Variants in CNOT4 observed in about 807,000 individuals in gnomAD.
CNOT4 encodes the protein CCR4-associated factor 4.
Under a neutral mutation model 73.8 loss-of-function variants are expected in CNOT4, and 8 were observed. That is an observed-to-expected ratio of 0.11 (90% CI 0.06 to 0.20). CNOT4 has a LOEUF of 0.20. Among genes scored for constraint, CNOT4 ranks in the 10% least tolerant of loss-of-function variants. CNOT4 has a pLI of 1.00. For synonymous variants in CNOT4, 293 were observed against 321.1 expected (o/e 0.91, Z 0.94); for missense variants, 564 against 883.4 (o/e 0.64, Z 4.58).
At chr7:135,411,700 T>A (rs936662192) in intron 6 of CNOT4, among the ~76,000 whole-genome samples, 2 of 152,026 alleles carry the variant, frequency 1.3e-5, no homozygotes, top group African/African-American at 2.4e-5. Flanking sequence ...TTAATTTTTT[T>A]AAATTATGGT....
intron 7 of CNOT4, among the ~76,000 whole-genome samples, chr7:135,409,046 T>C (rs1797455616): frequency 6.6e-6 from 1 of 152,186 alleles, no homozygotes; most frequent in African/African-American, 2.4e-5. Flanking sequence ...AAATTTTTGC[T>C]CTGAAATCAC....
rs540362169 is a variant in CNOT4, at chr7:135,406,503, A to G, written c.821+4012T>C. On this transcript the variant is annotated intron_variant, in intron 7 of 11. Transcript: ENST00000541284. ...GGTGAAACGCCATCTCTACAAAAAA[A>G]AAGAAAAATTAACTGGGTGTGTTGA... 2.6e-5 allele frequency among the ~76,000 whole-genome samples: 4 copies of G among 152,068 alleles called. No homozygotes were observed. In the South Asian group the frequency reaches 8.3e-4, roughly 32 times the overall value.
chr7:135,404,328 T>G (rs1797163290), intron 7 of CNOT4, among the ~76,000 whole-genome samples: 1 of 152,234 alleles, frequency 6.6e-6, no homozygotes, highest in Non-Finnish European at 1.5e-5. Flanking sequence ...GACCATAGTT[T>G]GAGAATCACT....
rs116567574 is a variant in CNOT4, at chr7:135,391,907, C to T, written c.1627+2011G>A. Among the ~76,000 whole-genome samples the T allele has an allele frequency of 8.7e-3, 1,317 of 152,084 alleles. 23 individuals are homozygous for T. Among genetic ancestry groups the T allele is most frequent in the African/African-American group, 0.03 (1,257 of 41,522 alleles). ...GAATCCCATAAAGGCATCCTACTTCCTATCATACCAAGTCCATGCCATTTT... is the reference window on the plus strand; with the variant it reads ...GAATCCCATAAAGGCATCCTACTTCTTATCATACCAAGTCCATGCCATTTT... On this transcript the variant is annotated intron_variant, in intron 10 of 11. Coordinates refer to ENST00000541284, the MANE Select transcript of CNOT4 (RefSeq NM_001190850.2).
intron 1 of CNOT4, among the ~76,000 whole-genome samples, chr7:135,502,938 A>C (rs1226335169): frequency 6.6e-6 from 1 of 151,556 alleles, no homozygotes; most frequent in East Asian, 1.9e-4. Flanking sequence ...GGATCACCTG[A>C]GGTCAGGAGT....
intron 1 of CNOT4, chr7:135,509,009 CG>C (rs1804554027): frequency 6.6e-6 from 1 of 152,172 alleles, no homozygotes; most frequent in Admixed American, 6.5e-5. Flanking sequence ...AAAACGAAAA[CG>C]GTCCTCTCCG....
At chr7:135,410,679 G>A in intron 6 of CNOT4, 31 bp from the exon 7 acceptor site, 3 of 1,540,942 alleles carry the variant, frequency 1.9e-6, no homozygotes, top group Non-Finnish European at 2.6e-6. Flanking sequence ...AACTGCAGTG[G>A]GATTCACAAA....
rs1195297613 is a variant in CNOT4 at position 135,413,411 on chromosome 7, T to C, written c.687+77A>G. 3 of 1,515,212 alleles carry C rather than the reference T, an allele frequency of 2.0e-6. No individual in the cohort carries two copies. In the East Asian group the frequency reaches 6.8e-5, roughly 34 times the overall value. The allele number at this position is 1,515,212 out of a possible 1,614,324, so 93.9% of individuals were successfully genotyped here. ...TTTACAAAATCAAATCCTTAGTTTT[T>C]GCTTTTGCAATGTTAACTAATAAAA... On this transcript the variant is annotated intron_variant, in intron 6 of 11. Transcript: ENST00000541284.
chr7:135,398,571 G>GA (rs909978062), intron 7 of CNOT4, among the ~76,000 whole-genome samples: 14 of 150,636 alleles, frequency 9.3e-5, no homozygotes, highest in African/African-American at 2.2e-4. Context: ...AAATCCAAAA[G>GA]AAAAAAAAAT....
intron 1 of CNOT4, among the ~76,000 whole-genome samples, chr7:135,458,284 A>T (rs940663833): frequency 3.3e-5 from 5 of 152,140 alleles, no homozygotes; most frequent in African/African-American, 1.2e-4. Flanking sequence ...ATACACCTTA[A>T]TTTAAAAATA....
chr7:135,479,491 G>C (rs1022026340), intron 1 of CNOT4, among the ~76,000 whole-genome samples: 17 of 151,918 alleles, frequency 1.1e-4, no homozygotes, highest in Middle Eastern at 3.4e-3. Context: ...TTACAGGCAT[G>C]AGCCACCGCG....
chr7:135,422,121 A>T (rs957438792), intron 3 of CNOT4, 35 bp downstream of exon 3: 7 of 1,321,496 alleles, frequency 5.3e-6, no homozygotes, highest in Non-Finnish European at 7.6e-6. Context: ...GGAAACAAAA[A>T]ATATCAAGAT....
chr7:135,378,893 G>C (rs545665347), intron 10 of CNOT4, among the ~76,000 whole-genome samples: 4 of 151,670 alleles, frequency 2.6e-5, no homozygotes, highest in African/African-American at 9.7e-5. Context: ...GTTGAGGTGG[G>C]AGGATCACTT....
chr7:135,470,722 G>A (rs1413965497), intron 1 of CNOT4, among the ~76,000 whole-genome samples: 3 of 152,166 alleles, frequency 2.0e-5, no homozygotes, highest in Non-Finnish European at 2.9e-5. Context: ...ATTATGCTCA[G>A]TAAAAGAAGC....
rs1296341697 is a variant in CNOT4 at position 135,364,916 on chromosome 7, GT to G, written c.1628-851del. 1.3e-5 allele frequency among the ~76,000 whole-genome samples: 2 copies of G among 152,230 alleles called. No homozygotes were observed. Among genetic ancestry groups the G allele is most frequent in the Non-Finnish European group, 2.9e-5 (2 of 68,032 alleles). ...TAACTAACTGGTCAGGGGGAAAAGG[GT>G]GAAGTATAACAACTACCTAATTGTT... On this transcript the variant is annotated intron_variant, in intron 10 of 11. Transcript: ENST00000541284. This position sits in a 1 kb window ranked among gnomAD's most constrained non-coding sequence, Gnocchi z 4.3.
chr7:135,495,022 T>C (rs180963759), intron 1 of CNOT4, among the ~76,000 whole-genome samples: 2 of 152,312 alleles, frequency 1.3e-5, no homozygotes, highest in African/African-American at 2.4e-5. Context: ...ATCCTCACAA[T>C]AGATCTATGA....
chr7:135,437,721 C>T (rs1799243067), intron 2 of CNOT4, among the ~76,000 whole-genome samples: 1 of 152,178 alleles, frequency 6.6e-6, no homozygotes, highest in African/African-American at 2.4e-5. Context: ...GTCATTTTAA[C>T]TCTTTTTAGT....
At chr7:135,427,896 G>A (rs1057446771) in intron 2 of CNOT4, among the ~76,000 whole-genome samples, 1 of 152,136 alleles carries the variant, frequency 6.6e-6, no homozygotes, top group Non-Finnish European at 1.5e-5. Flanking sequence ...GAGAGAAAGA[G>A]CTAAGGAGAA....
At chr7:135,387,554 C>CTTT (rs3841169) in intron 10 of CNOT4, 473 of 914,884 alleles carry the variant, frequency 5.2e-4, no homozygotes, top group Non-Finnish European at 5.8e-4. Flanking sequence ...CCCTTTCATA[C>CTTT]TTTTTTTTTT....
Sources: gnomAD v4.1 joint callset for allele counts (sites outside exome capture counted in the v4.1 genomes callset) on GRCh38, gnomAD v4.1.1 for gene constraint, Gnocchi (gnomAD v3.1) non-coding constraint, MANE v1.5 for transcripts, NCBI Gene and HGNC (gene_info 2026-07-23, HGNC 2026-07-21) for gene names.